CACNB2: variants seen among roughly 807,000 people sequenced by gnomAD.
The protein encoded by CACNB2 is voltage-dependent L-type calcium channel subunit beta-2.
In CACNB2, 42 loss-of-function variants were observed where a neutral mutation model predicts 73.3. The ratio of observed to expected loss-of-function variants is 0.57; its 90% confidence interval spans 0.45 to 0.74. CACNB2 has a LOEUF of 0.74. Ranked by LOEUF, CACNB2 falls within the 30% of genes least tolerant of loss-of-function variation. The pLI is 0.00. For synonymous variants in CACNB2, 348 were observed against 310.3 expected (o/e 1.12, Z -1.28); for missense variants, 940 against 853.0 (o/e 1.10, Z -1.27).
At chr10:18,186,356 C>T (rs1240010232) in intron 2 of CACNB2, among the ~76,000 whole-genome samples, 1 of 151,524 alleles carries the variant, frequency 6.6e-6, no homozygotes, top group African/African-American at 2.4e-5. Flanking sequence ...GAGGCGGAGG[C>T]TGCGGTGAGC....
chr10:18,523,674 C>T (rs1187389323), intron 9 of CACNB2, among the ~76,000 whole-genome samples: 1 of 152,100 alleles, frequency 6.6e-6, no homozygotes, highest in African/African-American at 2.4e-5. Flanking sequence ...CATGGCAAGA[C>T]ATCTAGAGTA....
chr10:18,378,053 C>T (rs1564484427), intron 2 of CACNB2, among the ~76,000 whole-genome samples: 1 of 152,070 alleles, frequency 6.6e-6, no homozygotes, highest in Admixed American at 6.6e-5. Context: ...GTTGGGAAGG[C>T]ATTATCATTA....
rs2148183 is a variant in CACNB2 at position 18,322,537 on chromosome 10, C to T, written c.214-79387C>T. On this transcript the variant is annotated intron_variant, in intron 2 of 13. Coordinates refer to ENST00000324631, the MANE Select transcript of CACNB2 (RefSeq NM_201596.3). The stretch of plus-strand genomic sequence containing the variant: ...TTACCCTGAATGAGATGGAATAAGC[C>T]GATTAGAAACAAAGATCTGAGAGCA... Among the ~76,000 whole-genome samples the T allele has an allele frequency of 2.7e-3, 418 of 152,038 alleles. 4 individuals carry two copies. Among genetic ancestry groups the T allele is most frequent in the African/African-American group, 9.6e-3 (398 of 41,470 alleles).
chr10:18,536,252 T>C (rs2053572792), intron 12 of CACNB2, 56 bp downstream of exon 12: 7 of 586,420 alleles, frequency 1.2e-5, no homozygotes, highest in African/African-American at 9.7e-5. Flanking sequence ...CCTTTTTTTT[T>C]TTTTTTTTTT....
intron 2 of CACNB2, among the ~76,000 whole-genome samples, chr10:18,193,073 ATGGGG>A (rs2034475107): frequency 6.6e-6 from 1 of 152,152 alleles, no homozygotes. Flanking sequence ...GTACATATTT[ATGGGG>A]TACATGTGAT....
chr10:18,219,772 ATT>A (rs55812855), intron 2 of CACNB2, among the ~76,000 whole-genome samples: 31,140 of 137,286 alleles, frequency 0.23, 4,744 homozygotes, highest in African/African-American at 0.48. Flanking sequence ...CAAATCTTTC[ATT>A]TTTTTTTTTT....
intron 3 of CACNB2, among the ~76,000 whole-genome samples, chr10:18,425,472 G>A (rs757215826): frequency 6.6e-6 from 1 of 152,078 alleles, no homozygotes; most frequent in Admixed American, 6.6e-5. Flanking sequence ...TTTCAAACCA[G>A]CCCGGACAAT....
intron 3 of CACNB2, among the ~76,000 whole-genome samples, chr10:18,406,887 C>T (rs1208564612): frequency 6.6e-6 from 1 of 152,040 alleles, no homozygotes; most frequent in Non-Finnish European, 1.5e-5. Context: ...AGAGAAATGC[C>T]TCCCAGGCCC....
chr10:18,506,340 T>A, intron 5 of CACNB2, 131 bp from the exon 6 acceptor site: 1 of 688,044 alleles, frequency 1.5e-6, no homozygotes, highest in Non-Finnish European at 2.7e-6. Flanking sequence ...GGAAATATTG[T>A]TTTCCTCCTT....
At chr10:18,322,421 C>T (rs1345834582) in intron 2 of CACNB2, among the ~76,000 whole-genome samples, 1 of 152,166 alleles carries the variant, frequency 6.6e-6, no homozygotes, top group African/African-American at 2.4e-5. Flanking sequence ...TTGCTGTTCA[C>T]CAACACAATC....
chr10:18,314,782 G>T (rs921151667), intron 2 of CACNB2, among the ~76,000 whole-genome samples: 2 of 152,140 alleles, frequency 1.3e-5, no homozygotes, highest in Admixed American at 6.5e-5. Flanking sequence ...AAAGATGTTT[G>T]TTTGATACAG....
chr10:18,429,702 G>T (rs2045783751), intron 3 of CACNB2, among the ~76,000 whole-genome samples: 3 of 134,188 alleles, frequency 2.2e-5, no homozygotes, highest in Admixed American at 7.7e-5. Flanking sequence ...CAAGAATGAT[G>T]TTGTACACCT....
At chr10:18,533,428 C>A in intron 10 of CACNB2, 1 of 152,612 alleles carries the variant, frequency 6.6e-6, no homozygotes, top group Non-Finnish European at 1.5e-5. Flanking sequence ...TCTCGGAGTT[C>A]AACTAGATAT....
intron 3 of CACNB2, among the ~76,000 whole-genome samples, chr10:18,465,658 G>A (rs1256106654): frequency 6.6e-6 from 1 of 150,674 alleles, no homozygotes; most frequent in Non-Finnish European, 1.5e-5. Context: ...TGATCCCAAA[G>A]ATAAGTACGT....
chr10:18,473,993 T>G (rs1310009474), intron 3 of CACNB2, among the ~76,000 whole-genome samples: 3 of 152,172 alleles, frequency 2.0e-5, no homozygotes, highest in Non-Finnish European at 2.9e-5. Flanking sequence ...GTTTTTCATT[T>G]TAAAATGCGA....
At chr10:18,261,268 T>A (rs2037525973) in intron 2 of CACNB2, 1 of 1,551,298 alleles carries the variant, frequency 6.4e-7, no homozygotes, top group Non-Finnish European at 8.7e-7. Context: ...TGCCCCCTCT[T>A]CATGCAGTGC....
At chr10:18,515,372 G>T (rs1415006226) in intron 7 of CACNB2, among the ~76,000 whole-genome samples, 1 of 152,044 alleles carries the variant, frequency 6.6e-6, no homozygotes, top group Non-Finnish European at 1.5e-5. Context: ...CTACCATGCT[G>T]TCTTTTAGAA....
intron 2 of CACNB2, among the ~76,000 whole-genome samples, chr10:18,349,282 G>A (rs905256582): frequency 6.6e-6 from 1 of 152,154 alleles, no homozygotes; most frequent in African/African-American, 2.4e-5. Flanking sequence ...TGGAACAACT[G>A]GTTGGTGAAA....
chr10:18,278,858 A>G (rs1303064142), intron 2 of CACNB2, among the ~76,000 whole-genome samples: 1 of 152,078 alleles, frequency 6.6e-6, no homozygotes, highest in Non-Finnish European at 1.5e-5. Context: ...TCTACAAAAA[A>G]TACAAAAATT....
Sources: allele counts gnomAD v4.1 joint callset (sites outside exome capture counted in the v4.1 genomes callset), GRCh38; gene constraint gnomAD v4.1.1; transcripts MANE v1.5; gene names NCBI Gene and HGNC (gene_info 2026-07-23, HGNC 2026-07-21).